Variants in AOAH observed in about 807,000 individuals in gnomAD.
AOAH encodes acyloxyacyl hydrolase, also known as acyloxyacyl hydrolase (neutrophil).
AOAH carries 64 observed loss-of-function variants against 92.2 expected under a neutral mutation model. That is an observed-to-expected ratio of 0.69 (90% CI 0.57 to 0.86). The LOEUF is 0.86. Among genes scored for constraint, AOAH ranks in the 40% least tolerant of loss-of-function variants. The pLI is 0.00. For synonymous variants in AOAH, 263 were observed against 254.5 expected, an observed-to-expected ratio of 1.03 and a Z score of -0.32; for missense variants, 656 against 694.6, an observed-to-expected ratio of 0.94 and a Z score of 0.62.
At chr7:36,601,833 A>T (rs1429667303) in intron 11 of AOAH, among the ~76,000 whole-genome samples, 2 of 152,190 alleles carry the variant, frequency 1.3e-5, no homozygotes, top group Non-Finnish European at 2.9e-5. Flanking sequence ...GCCAGGGGGA[A>T]ATAGTTCCAG....
chr7:36,554,391 G>A (rs369440301), intron 13 of AOAH, among the ~76,000 whole-genome samples: 1 of 152,214 alleles, frequency 6.6e-6, no homozygotes, highest in East Asian at 1.9e-4. Flanking sequence ...CTGTAGCCTT[G>A]TAGTATAGTT....
At chr7:36,579,382 A>G (rs752959217) in intron 12 of AOAH, among the ~76,000 whole-genome samples, 5 of 149,540 alleles carry the variant, frequency 3.3e-5, no homozygotes, top group Non-Finnish European at 7.5e-5. Context: ...GCCCCCCCCA[A>G]ATTGTGAGAT....
chr7:36,612,152 C>A (rs1791504050), intron 11 of AOAH, among the ~76,000 whole-genome samples: 1 of 149,730 alleles, frequency 6.7e-6, no homozygotes, highest in African/African-American at 2.5e-5. Context: ...ACACATAATA[C>A]AAATTCAGTG....
At chr7:36,623,110 T>C in intron 7 of AOAH, 80 bp downstream of exon 7, 1 of 945,436 alleles carries the variant, frequency 1.1e-6, no homozygotes, top group African/African-American at 1.6e-5. Context: ...TGAAATTCAG[T>C]CTTGTCTTAT....
chr7:36,578,755 G>A (rs938903281), intron 12 of AOAH, among the ~76,000 whole-genome samples: 3 of 152,102 alleles, frequency 2.0e-5, no homozygotes, highest in African/African-American at 7.2e-5. Context: ...TTTCTGTAGA[G>A]TTAATAACTG....
chr7:36,701,809 G>C (rs944668744), intron 1 of AOAH, among the ~76,000 whole-genome samples: 1 of 151,744 alleles, frequency 6.6e-6, no homozygotes, highest in Non-Finnish European at 1.5e-5. Flanking sequence ...ATTTTCATAT[G>C]GCAGCTATTT....
At chr7:36,556,153 T>G (rs1010628397) in intron 13 of AOAH, among the ~76,000 whole-genome samples, 30 of 152,122 alleles carry the variant, frequency 2.0e-4, no homozygotes, top group East Asian at 3.9e-4. Flanking sequence ...ACACTGCTTT[T>G]AATGTGTCCC....
intron 15 of AOAH, among the ~76,000 whole-genome samples, chr7:36,540,924 T>C (rs1459243815): frequency 1.3e-5 from 2 of 152,212 alleles, no homozygotes; most frequent in African/African-American, 4.8e-5. Flanking sequence ...ACTAAGATTT[T>C]AGGGGCTGTT....
chr7:36,592,584 A>G (rs987513463), intron 12 of AOAH, among the ~76,000 whole-genome samples: 2 of 152,232 alleles, frequency 1.3e-5, no homozygotes, highest in Non-Finnish European at 2.9e-5. Flanking sequence ...AGGCAAGAAC[A>G]TATCTTTGTT....
intron 13 of AOAH, among the ~76,000 whole-genome samples, chr7:36,564,409 T>G (rs1400464499): frequency 6.6e-6 from 1 of 152,200 alleles, no homozygotes; most frequent in Non-Finnish European, 1.5e-5. Flanking sequence ...ATCTTTCTAT[T>G]TCTAGCACCT....
chr7:36,560,357 A>G (rs1787167520), intron 13 of AOAH, among the ~76,000 whole-genome samples: 1 of 152,188 alleles, frequency 6.6e-6, no homozygotes, highest in Non-Finnish European at 1.5e-5. Context: ...GATTCTTCCA[A>G]TTCAGGAACA....
chr7:36,590,417 G>C (rs1369129526), intron 12 of AOAH, among the ~76,000 whole-genome samples: 1 of 151,916 alleles, frequency 6.6e-6, no homozygotes, highest in African/African-American at 2.4e-5. Flanking sequence ...AAGCCCAAGA[G>C]TCAAGAAAAC....
chr7:36,588,546 G>A (rs924256444), intron 12 of AOAH, among the ~76,000 whole-genome samples: 4 of 152,178 alleles, frequency 2.6e-5, no homozygotes, highest in Non-Finnish European at 1.5e-5. Context: ...GATTTAATAA[G>A]GTTATTAGGC....
At chr7:36,644,326 G>A (rs1027254667) in intron 4 of AOAH, among the ~76,000 whole-genome samples, 13 of 152,060 alleles carry the variant, frequency 8.5e-5, no homozygotes, top group African/African-American at 3.1e-4. Context: ...ATGTTAAACG[G>A]TGTGCTTTTT....
chr7:36,640,969 G>C (rs988142455), intron 4 of AOAH, among the ~76,000 whole-genome samples: 7 of 152,184 alleles, frequency 4.6e-5, no homozygotes, highest in Non-Finnish European at 1.0e-4. Context: ...CAGGAGCCGA[G>C]GGGGCACAGG....
intron 1 of AOAH, among the ~76,000 whole-genome samples, chr7:36,718,761 G>A (rs1308592584): frequency 6.6e-6 from 1 of 152,142 alleles, no homozygotes; most frequent in African/African-American, 2.4e-5. Flanking sequence ...AGGAAGTAGA[G>A]TGGTGATTTC....
At chr7:36,552,181 C>T (rs1180850235) in intron 13 of AOAH, among the ~76,000 whole-genome samples, 1 of 152,186 alleles carries the variant, frequency 6.6e-6, no homozygotes, top group Non-Finnish European at 1.5e-5. Context: ...CAGGCCTCAG[C>T]ATGTGTTGTT....
At chr7:36,701,179 A>G (rs886600358) in intron 1 of AOAH, among the ~76,000 whole-genome samples, 7 of 151,882 alleles carry the variant, frequency 4.6e-5, no homozygotes, top group Non-Finnish European at 1.0e-4. Context: ...TGTGATTTCA[A>G]TTTTTAAAAA....
Position 36,532,133 on chromosome 7 carries a change from T to G in AOAH, c.1425+14A>C. Reference sequence around the variant, plus strand: ...TGATCAAAGATGGTATCAAAAGGCCTGTGACAGTCATACCTCTGAAGTGAG... The same window carrying G: ...TGATCAAAGATGGTATCAAAAGGCCGGTGACAGTCATACCTCTGAAGTGAG... On this transcript the variant is annotated intron_variant, in intron 18 of 20. Coordinates refer to ENST00000617537, the MANE Select transcript of AOAH (RefSeq NM_001637.4). 6.2e-7 allele frequency: 1 copy of G among 1,614,042 alleles called. No homozygotes were observed. The highest frequency in any genetic ancestry group is 8.5e-7 in the Non-Finnish European group (1 of 1,179,872).
Sources: gnomAD v4.1 joint callset for allele counts (sites outside exome capture counted in the v4.1 genomes callset) on GRCh38, gnomAD v4.1.1 for gene constraint, MANE v1.5 for transcripts, NCBI Gene and HGNC (gene_info 2026-07-23, HGNC 2026-07-21) for gene names.